Variants in PARD3B observed in about 807,000 individuals in gnomAD.
PARD3B encodes the protein par-3 family cell polarity regulator beta, also known as partitioning defective 3 homolog B.
Under a neutral mutation model 130.2 loss-of-function variants are expected in PARD3B, and 103 were observed. That is an observed-to-expected ratio of 0.79 (90% CI 0.67 to 0.93). The LOEUF is 0.93. Among genes scored for constraint, PARD3B ranks in the 40% least tolerant of loss-of-function variants. PARD3B has a pLI of 0.00. For synonymous variants in PARD3B, 583 were observed against 553.2 expected (o/e 1.05, Z -0.76); for missense variants, 1,609 against 1,499.2 (o/e 1.07, Z -1.21).
intron 1 of PARD3B, among the ~76,000 whole-genome samples, chr2:204,682,580 T>C (rs2036886396): frequency 6.6e-6 from 1 of 152,224 alleles, no homozygotes; most frequent in Non-Finnish European, 1.5e-5. Flanking sequence ...AAGATTCTTC[T>C]AGTAAAAACA....
Position 205,397,908 on chromosome 2 carries a change from A to G in PARD3B, c.2631-3105A>G, listed in dbSNP as rs1290009198. 6.6e-6 allele frequency among the ~76,000 whole-genome samples: 1 copy of G among 152,218 alleles called. No individual in the cohort carries two copies. The highest frequency in any genetic ancestry group is 2.4e-5 in the African/African-American group (1 of 41,446). On this transcript the variant is annotated intron_variant, in intron 18 of 22. Transcript: ENST00000406610. The surrounding 1 kb of genome is among the most constrained non-coding windows in gnomAD (Gnocchi z 4.8). ...CTCTTCTGCATGGGTCTGGAATGCTAAAGAATGTATTCATGAAAACATTAT... is the reference window on the plus strand; with the variant it reads ...CTCTTCTGCATGGGTCTGGAATGCTGAAGAATGTATTCATGAAAACATTAT...
At chr2:205,536,253 CTTT>C (rs56400963) in intron 21 of PARD3B, among the ~76,000 whole-genome samples, 1 of 151,860 alleles carries the variant, frequency 6.6e-6, no homozygotes, top group Admixed American at 6.6e-5. Context: ...GCTGAATTGA[CTTT>C]TGATTTTTTA....
chr2:205,554,661 G>A (rs1428155038), intron 22 of PARD3B, among the ~76,000 whole-genome samples: 1 of 151,964 alleles, frequency 6.6e-6, no homozygotes, highest in Admixed American at 6.6e-5. Flanking sequence ...CCATGGATTC[G>A]ATCAATCTCA....
chr2:204,794,463 G>C (rs971440368), intron 2 of PARD3B, among the ~76,000 whole-genome samples: 1 of 152,112 alleles, frequency 6.6e-6, no homozygotes, highest in African/African-American at 2.4e-5. Flanking sequence ...GCCAGGATGA[G>C]GTGGAGTGGA....
At chr2:205,001,071 C>T (rs1274056054) in intron 3 of PARD3B, among the ~76,000 whole-genome samples, 1 of 152,134 alleles carries the variant, frequency 6.6e-6, no homozygotes, top group African/African-American at 2.4e-5. Flanking sequence ...TCACTGCAAC[C>T]TCTGCCTCCC....
chr2:204,762,302 T>G (rs2040939529), intron 2 of PARD3B, among the ~76,000 whole-genome samples: 1 of 151,712 alleles, frequency 6.6e-6, no homozygotes, highest in African/African-American at 2.4e-5. Flanking sequence ...TTTGTAGAGA[T>G]GGGGTTTCAC....
chr2:205,036,836 CA>C (rs1697959785), intron 3 of PARD3B, among the ~76,000 whole-genome samples: 1 of 149,186 alleles, frequency 6.7e-6, no homozygotes, highest in Admixed American at 6.7e-5. Context: ...ACTGTATGTA[CA>C]AAAAACATAT....
intron 10 of PARD3B, among the ~76,000 whole-genome samples, chr2:205,145,823 C>CAA (rs58133781): frequency 0.055 from 6,982 of 126,556 alleles, 241 homozygotes; most frequent in South Asian, 0.1. Flanking sequence ...TCCAAGAAGT[C>CAA]AAAAAAAAAA....
At chr2:204,830,963 G>A in intron 2 of PARD3B, among the ~76,000 whole-genome samples, 1 of 152,130 alleles carries the variant, frequency 6.6e-6, no homozygotes, top group East Asian at 1.9e-4. Flanking sequence ...AACTATCATT[G>A]CTGGCATGTA....
intron 3 of PARD3B, among the ~76,000 whole-genome samples, chr2:205,020,577 G>A (rs1011487980): frequency 9.2e-5 from 14 of 151,996 alleles, no homozygotes; most frequent in Non-Finnish European, 1.8e-4. Context: ...CAAAGCAAGG[G>A]GAAGAGTTGA....
At chr2:204,603,506 C>T (rs974293359) in intron 1 of PARD3B, among the ~76,000 whole-genome samples, 1 of 152,012 alleles carries the variant, frequency 6.6e-6, no homozygotes, top group African/African-American at 2.4e-5. Flanking sequence ...TGAGGACTAT[C>T]AGGAACAGAT....
chr2:204,865,658 A>G (rs537539919), intron 2 of PARD3B, among the ~76,000 whole-genome samples: 1 of 152,158 alleles, frequency 6.6e-6, no homozygotes, highest in Non-Finnish European at 1.5e-5. Context: ...CAGGTGAGGG[A>G]TAAAAGACTA....
At chr2:205,611,285 G>A (rs1416750402) in intron 22 of PARD3B, among the ~76,000 whole-genome samples, 1 of 152,152 alleles carries the variant, frequency 6.6e-6, no homozygotes, top group African/African-American at 2.4e-5. Flanking sequence ...TGTCCTTCCA[G>A]TATTGAGCCC....
intron 1 of PARD3B, among the ~76,000 whole-genome samples, chr2:204,570,285 A>G (rs1344529556): frequency 6.6e-6 from 1 of 152,204 alleles, no homozygotes; most frequent in Non-Finnish European, 1.5e-5. Context: ...GGTGGGAAGT[A>G]TAAAGAACTT....
At chr2:205,054,439 T>TTATATATATATA (rs1699497404) in intron 4 of PARD3B, among the ~76,000 whole-genome samples, 1 of 50,570 alleles carries the variant, frequency 2.0e-5, no homozygotes, top group African/African-American at 7.6e-5. Flanking sequence ...TATATATATT[T>TTATATATATATA]TTTTTTTTTT....
intron 2 of PARD3B, among the ~76,000 whole-genome samples, chr2:204,954,051 A>G (rs1293658317): frequency 2.6e-5 from 4 of 152,150 alleles, no homozygotes; most frequent in South Asian, 4.1e-4. Context: ...GCATCATTCT[A>G]TGTTGGTTTA....
At chr2:205,172,167 A>G (rs886436872) in intron 11 of PARD3B, 44 bp from the exon 12 acceptor site, 7 of 1,592,788 alleles carry the variant, frequency 4.4e-6, no homozygotes, top group Non-Finnish European at 6.0e-6. Context: ...TGTCATCACC[A>G]TACTTTTCTC....
At chr2:204,747,093 G>A (rs2040265096) in intron 2 of PARD3B, among the ~76,000 whole-genome samples, 1 of 152,106 alleles carries the variant, frequency 6.6e-6, no homozygotes, top group African/African-American at 2.4e-5. Context: ...TTTTCTTCTA[G>A]GGTTTTTATG....
At chr2:205,161,752 C>A (rs1254870643) in intron 11 of PARD3B, among the ~76,000 whole-genome samples, 1 of 152,150 alleles carries the variant, frequency 6.6e-6, no homozygotes, top group Non-Finnish European at 1.5e-5. Flanking sequence ...AGGTTTTTAC[C>A]CGGAATCAAC....
Sources: gnomAD v4.1 joint callset for allele counts (sites outside exome capture counted in the v4.1 genomes callset) on GRCh38, gnomAD v4.1.1 for gene constraint, Gnocchi (gnomAD v3.1) non-coding constraint, MANE v1.5 for transcripts, NCBI Gene and HGNC (gene_info 2026-07-23, HGNC 2026-07-21) for gene names.